SORCS2: variants seen among roughly 807,000 people sequenced by gnomAD.
SORCS2 encodes the protein VPS10 domain-containing receptor SorCS2.
SORCS2 carries 100 observed loss-of-function variants against 141.6 expected under a neutral mutation model. The ratio of observed to expected loss-of-function variants is 0.71; its 90% confidence interval spans 0.60 to 0.83. The LOEUF (loss-of-function observed/expected upper bound fraction) is 0.83. Ranked by LOEUF, SORCS2 falls within the 40% of genes least tolerant of loss-of-function variation. The probability of loss-of-function intolerance (pLI) is 0.00; values close to 1 mark genes in which losing one functional copy is unlikely to be tolerated. For synonymous variants in SORCS2, 789 were observed against 676.9 expected (o/e 1.17, Z -2.57); for missense variants, 1,646 against 1,560.2 (o/e 1.05, Z -0.93).
At chr4:7,271,220 G>A (rs1165235425) in intron 1 of SORCS2, among the ~76,000 whole-genome samples, 1 of 152,056 alleles carries the variant, frequency 6.6e-6, no homozygotes, top group Admixed American at 6.6e-5. Flanking sequence ...CTCTGCCCTG[G>A]GGATGTCGCT....
intron 2 of SORCS2, among the ~76,000 whole-genome samples, chr4:7,423,189 C>T (rs1280755898): frequency 6.6e-6 from 1 of 152,160 alleles, no homozygotes; most frequent in Non-Finnish European, 1.5e-5. Context: ...GCTGTTTTCT[C>T]TTCATTGCAC....
chr4:7,205,556 G>A (rs1389856228), intron 1 of SORCS2, among the ~76,000 whole-genome samples: 6 of 152,212 alleles, frequency 3.9e-5, no homozygotes, highest in Admixed American at 6.5e-5. Flanking sequence ...ATCTGGTCTT[G>A]GAGATAGCTG....
At chr4:7,567,948 G>A (rs1314929914) in intron 3 of SORCS2, among the ~76,000 whole-genome samples, 6 of 152,154 alleles carry the variant, frequency 3.9e-5, no homozygotes, top group Non-Finnish European at 2.9e-5. Flanking sequence ...TGGCTGCTGT[G>A]TCTCTTTGAC....
intron 1 of SORCS2, among the ~76,000 whole-genome samples, chr4:7,371,316 A>T (rs183888252): frequency 5.6e-4 from 86 of 152,234 alleles, no homozygotes; most frequent in Middle Eastern, 3.4e-3. Flanking sequence ...TCTAACCTGG[A>T]GCACATCTGA....
intron 2 of SORCS2, among the ~76,000 whole-genome samples, chr4:7,478,118 G>C (rs906016852): frequency 4.6e-5 from 7 of 152,208 alleles, no homozygotes; most frequent in Non-Finnish European, 8.8e-5. Flanking sequence ...CCCTCCAGAG[G>C]CTGGGGTCCC....
chr4:7,474,630 G>A (rs1293067948), intron 2 of SORCS2, among the ~76,000 whole-genome samples: 3 of 152,212 alleles, frequency 2.0e-5, no homozygotes, highest in Non-Finnish European at 4.4e-5. Flanking sequence ...GTGTCACCAA[G>A]AAGGTAGCTG....
intron 3 of SORCS2, among the ~76,000 whole-genome samples, chr4:7,631,955 G>T (rs1251006371): frequency 6.6e-6 from 1 of 152,198 alleles, no homozygotes; most frequent in African/African-American, 2.4e-5. Flanking sequence ...CTGGGCAGGT[G>T]CAAGGATACC....
At chr4:7,336,912 C>T (rs1560202076) in intron 1 of SORCS2, among the ~76,000 whole-genome samples, 1 of 152,194 alleles carries the variant, frequency 6.6e-6, no homozygotes, top group Non-Finnish European at 1.5e-5. Flanking sequence ...GGACTTGTCC[C>T]TGAGCCGCCC....
chr4:7,478,575 C>A (rs547649583), intron 2 of SORCS2, among the ~76,000 whole-genome samples: 3 of 152,162 alleles, frequency 2.0e-5, no homozygotes, highest in Non-Finnish European at 4.4e-5. Context: ...CAGAGCCTGG[C>A]GCCTGGCAGC....
intron 2 of SORCS2, among the ~76,000 whole-genome samples, chr4:7,488,683 C>G (rs1041881788): frequency 3.9e-5 from 6 of 152,204 alleles, no homozygotes; most frequent in Admixed American, 1.3e-4. Flanking sequence ...GTGGAGGGAC[C>G]CATGAGTGTC....
At chr4:7,597,367 G>T (rs1235328047) in intron 3 of SORCS2, among the ~76,000 whole-genome samples, 4 of 149,832 alleles carry the variant, frequency 2.7e-5, no homozygotes, top group South Asian at 2.1e-4. Context: ...GAGAGAGGGG[G>T]CTGTGCAATA....
Position 7,391,986 on chromosome 4 carries a change from C to T in SORCS2, c.481-4302C>T, listed in dbSNP as rs1011287253. 4.6e-5 allele frequency among the ~76,000 whole-genome samples: 7 copies of T among 152,324 alleles called. No individual in the cohort carries two copies. The East Asian group carries it at 7.7e-4, about 17-fold the overall frequency. On this transcript the variant is annotated intron_variant, in intron 1 of 26. Transcript: ENST00000507866. The stretch of plus-strand genomic sequence containing the variant: ...AGAGGAGTGGCAGCTGCTGCCGGAC[C>T]GGCCCTGTTATTTACAGGGTTCAGC...
At chr4:7,534,466 T>TGTCCCAG (rs1253663508) in intron 3 of SORCS2, among the ~76,000 whole-genome samples, 2 of 152,236 alleles carry the variant, frequency 1.3e-5, no homozygotes, top group Non-Finnish European at 2.9e-5. Context: ...CCCCCAAAGA[T>TGTCCCAG]GTCCCAGTCC....
intron 1 of SORCS2, among the ~76,000 whole-genome samples, chr4:7,342,343 T>C (rs1405705135): frequency 6.6e-6 from 1 of 152,256 alleles, no homozygotes; most frequent in Non-Finnish European, 1.5e-5. Context: ...TGGAAGAGCC[T>C]GTGCTGGGTT....
chr4:7,589,276 G>C (rs1261128897), intron 3 of SORCS2, among the ~76,000 whole-genome samples: 1 of 152,232 alleles, frequency 6.6e-6, no homozygotes, highest in Non-Finnish European at 1.5e-5. Context: ...AGGTTTGGGA[G>C]GGACTTCGGG....
rs1405646235 is a variant in SORCS2 at position 7,724,145 on chromosome 4, G to GTGGTGA, written c.2611+263_2611+264insGGTGAT. Among the ~76,000 whole-genome samples the GTGGTGA allele has an allele frequency of 6.5e-5, 8 of 123,334 alleles. 1 individual carries two copies. Among genetic ancestry groups the GTGGTGA allele is most frequent in the African/African-American group, 2.5e-4 (8 of 31,550 alleles). The allele number at this position is 123,334 out of a possible 152,430, so 80.9% of individuals were successfully genotyped here. On this transcript the variant is annotated intron_variant, in intron 19 of 26. Coordinates refer to ENST00000507866, the MANE Select transcript of SORCS2 (RefSeq NM_020777.3). Reference sequence around the variant, plus strand: ...GGTGGTGGTGGTGGTGGTGGTGATGGTCGTGGTGGTGGTGGTGATGGTGGT... The same window carrying GTGGTGA: ...GGTGGTGGTGGTGGTGGTGGTGATGGTGGTGATCGTGGTGGTGGTGGTGATGGTGGT...
At chr4:7,578,458 C>G (rs2108754427) in intron 3 of SORCS2, among the ~76,000 whole-genome samples, 1 of 152,366 alleles carries the variant, frequency 6.6e-6, no homozygotes, top group South Asian at 2.1e-4. Context: ...CACCTGCCAG[C>G]AGCTCTTGTC....
chr4:7,658,455 A>G (rs765046664), intron 5 of SORCS2, among the ~76,000 whole-genome samples: 6 of 152,190 alleles, frequency 3.9e-5, no homozygotes, highest in Non-Finnish European at 7.3e-5. Flanking sequence ...GAAGGGAACA[A>G]TGCCTGTCTG....
intron 1 of SORCS2, among the ~76,000 whole-genome samples, chr4:7,316,068 A>G (rs1002719701): frequency 1.3e-5 from 2 of 151,560 alleles, no homozygotes; most frequent in African/African-American, 4.9e-5. Context: ...CCTTCCATCC[A>G]TCTGTGCATC....
Sources: allele counts gnomAD v4.1 joint callset (sites outside exome capture counted in the v4.1 genomes callset), GRCh38; gene constraint gnomAD v4.1.1; transcripts MANE v1.5; gene names NCBI Gene and HGNC (gene_info 2026-07-23, HGNC 2026-07-21).